PALM2AKAP2: variants seen among roughly 807,000 people sequenced by gnomAD.
PALM2AKAP2 encodes PALM2-AKAP2 fusion protein.
A neutral mutation model predicts 71.5 loss-of-function variants in PALM2AKAP2; 37 were observed. The ratio of observed to expected loss-of-function variants is 0.52; its 90% CI spans 0.40 to 0.68. The LOEUF (loss-of-function observed/expected upper bound fraction) is 0.68. Ranked by LOEUF, PALM2AKAP2 falls within the 30% of genes least tolerant of loss-of-function variation. The pLI is 0.00. For synonymous variants in PALM2AKAP2, 468 were observed against 478.8 expected (o/e 0.98, Z 0.29); for missense variants, 1,224 against 1,191.8 (o/e 1.03, Z -0.40).
At chr9:109,697,384 G>T (rs1234771464) in intron 1 of PALM2AKAP2, among the ~76,000 whole-genome samples, 1 of 152,132 alleles carries the variant, frequency 6.6e-6, no homozygotes, top group Non-Finnish European at 1.5e-5. Flanking sequence ...TTGCAGAGGG[G>T]AGGCCAATTG....
At chr9:110,094,990 A>G (rs1375176694) in intron 1 of PALM2AKAP2, among the ~76,000 whole-genome samples, 1 of 152,236 alleles carries the variant, frequency 6.6e-6, no homozygotes, top group Non-Finnish European at 1.5e-5. Context: ...GCCTCTGGCA[A>G]AAACTTCTGC....
Position 109,921,705 on chromosome 9 carries a change from C to T in PALM2AKAP2, c.258-2030C>T, listed in dbSNP as rs557936243. 3.0e-4 allele frequency among the ~76,000 whole-genome samples: 45 copies of T among 152,092 alleles called. 1 individual carries two copies. Among genetic ancestry groups the T allele is most frequent in the Non-Finnish European group, 6.3e-4 (43 of 68,012 alleles). On this transcript the variant is annotated intron_variant, in intron 3 of 9. Transcript: ENST00000302798. ...CTAGAGGAGGAAAAGACATGGGGTA[C>T]ATGTGGGCAAATAAGAGTGGCTCTA...
chr9:109,716,540 G>A (rs1014443386), intron 1 of PALM2AKAP2, among the ~76,000 whole-genome samples: 7 of 152,100 alleles, frequency 4.6e-5, no homozygotes, highest in African/African-American at 1.7e-4. Flanking sequence ...TGGGCATTCT[G>A]TATTTCACTT....
At chr9:110,077,092 T>G (rs1160151276) in intron 1 of PALM2AKAP2, among the ~76,000 whole-genome samples, 1 of 152,198 alleles carries the variant, frequency 6.6e-6, no homozygotes, top group East Asian at 1.9e-4. Flanking sequence ...ATCAATGTTC[T>G]CCATAGCTCA....
intron 7 of PALM2AKAP2, among the ~76,000 whole-genome samples, chr9:110,017,549 C>G (rs1833002776): frequency 6.6e-6 from 1 of 152,080 alleles, no homozygotes; most frequent in Non-Finnish European, 1.5e-5. Flanking sequence ...ATAGTAAAAC[C>G]TGTTGGATTT....
At chr9:110,022,718 T>G (rs1215141470) in intron 7 of PALM2AKAP2, among the ~76,000 whole-genome samples, 3 of 152,026 alleles carry the variant, frequency 2.0e-5, no homozygotes, top group Non-Finnish European at 4.4e-5. Context: ...CCTAATGCTA[T>G]CCCTCCCCTC....
chr9:110,016,951 C>G (rs756647750), intron 7 of PALM2AKAP2, among the ~76,000 whole-genome samples: 24 of 152,138 alleles, frequency 1.6e-4, no homozygotes, highest in Non-Finnish European at 1.8e-4. Flanking sequence ...GCGATCTCGG[C>G]TCACTGCAAG....
intron 1 of PALM2AKAP2, among the ~76,000 whole-genome samples, chr9:110,091,459 C>A (rs78091101): frequency 1.2e-5 from 1 of 83,652 alleles, no homozygotes. Flanking sequence ...GAGATTTATT[C>A]TTTTTTTTTT....
chr9:110,004,416 C>T (rs546945207), intron 6 of PALM2AKAP2, among the ~76,000 whole-genome samples: 2 of 152,314 alleles, frequency 1.3e-5, no homozygotes, highest in African/African-American at 4.8e-5. Flanking sequence ...GTCTGCTGGG[C>T]TTCCCTTTGT....
chr9:109,723,223 C>T (rs563518156), intron 1 of PALM2AKAP2, among the ~76,000 whole-genome samples: 7 of 152,314 alleles, frequency 4.6e-5, no homozygotes, highest in South Asian at 2.1e-4. Flanking sequence ...GGCCCATCTC[C>T]GCTAGGAAAC....
exon 4 of PALM2AKAP2, chr9:110,171,839 A>T (rs1836863861): frequency 6.6e-6 from 1 of 152,620 alleles, no homozygotes; most frequent in Non-Finnish European, 1.5e-5. Flanking sequence ...ATAGGTGTTC[A>T]CTTTCCTCCA....
chr9:109,672,287 A>G (rs1224479293), intron 1 of PALM2AKAP2, among the ~76,000 whole-genome samples: 2 of 152,062 alleles, frequency 1.3e-5, no homozygotes, highest in African/African-American at 2.4e-5. Context: ...TTCAATACCT[A>G]TTTTACTGAG....
intron 1 of PALM2AKAP2, among the ~76,000 whole-genome samples, chr9:110,059,189 C>T (rs535741055): frequency 6.6e-5 from 10 of 152,188 alleles, no homozygotes; most frequent in South Asian, 2.1e-4. Flanking sequence ...TGTGAGCCAC[C>T]GCGCCCAGCC....
At chr9:109,844,409 C>T (rs141801813) in intron 1 of PALM2AKAP2, among the ~76,000 whole-genome samples, 4 of 152,170 alleles carry the variant, frequency 2.6e-5, no homozygotes, top group African/African-American at 9.6e-5. Flanking sequence ...GATTCTGGAA[C>T]AAAGAAAGAA....
chr9:109,834,457 G>A (rs1373892341), intron 1 of PALM2AKAP2, among the ~76,000 whole-genome samples: 1 of 152,176 alleles, frequency 6.6e-6, no homozygotes, highest in Non-Finnish European at 1.5e-5. Context: ...TGCCTTTGTA[G>A]GTAAATATGA....
chr9:109,885,267 C>T (rs1270653887), intron 3 of PALM2AKAP2, among the ~76,000 whole-genome samples: 3 of 151,924 alleles, frequency 2.0e-5, no homozygotes, highest in Non-Finnish European at 4.4e-5. Flanking sequence ...ATATGTGGTG[C>T]TTAGCTTTTG....
intron 1 of PALM2AKAP2, among the ~76,000 whole-genome samples, chr9:109,750,979 A>G (rs1828879793): frequency 6.6e-6 from 1 of 152,080 alleles, no homozygotes. Flanking sequence ...ACAGGCAGAG[A>G]CCCTTGCATT....
chr9:109,837,497 C>G (rs1828514244), intron 1 of PALM2AKAP2, among the ~76,000 whole-genome samples: 1 of 152,176 alleles, frequency 6.6e-6, no homozygotes, highest in Non-Finnish European at 1.5e-5. Flanking sequence ...CAGCTAACAT[C>G]ATAATGACAG....
intron 1 of PALM2AKAP2, among the ~76,000 whole-genome samples, chr9:109,822,066 T>C (rs1828021178): frequency 6.6e-6 from 1 of 152,208 alleles, no homozygotes; most frequent in Non-Finnish European, 1.5e-5. Flanking sequence ...ACATGAGAAA[T>C]GTATTAGTTA....
Sources: allele counts gnomAD v4.1 joint callset (sites outside exome capture counted in the v4.1 genomes callset), GRCh38; gene constraint gnomAD v4.1.1; transcripts MANE v1.5; gene names NCBI Gene and HGNC (gene_info 2026-07-23, HGNC 2026-07-21).